The following PDLIM1 variants were observed in gnomAD, a reference collection of about 807,000 sequenced individuals.
PDLIM1 encodes the protein PDZ and LIM domain 1.
PDLIM1 carries 25 observed loss-of-function variants against 35.2 expected under a neutral mutation model. The observed-to-expected ratio is 0.71, with a 90% CI of 0.52 to 0.99. PDLIM1 has a LOEUF of 0.99. PDLIM1 is among the 50% of genes least tolerant of loss of function. The probability of loss-of-function intolerance (pLI) is 0.00; values close to 1 mark genes in which losing one functional copy is unlikely to be tolerated. For missense variants in PDLIM1, 363 were observed against 415.3 expected (o/e 0.87, Z 1.09); for synonymous variants, 152 against 154.0 (o/e 0.99, Z 0.10).
intron 1 of PDLIM1, among the ~76,000 whole-genome samples, chr10:95,289,174 G>A (rs1358176215): frequency 2.6e-5 from 4 of 152,342 alleles, no homozygotes; most frequent in African/African-American, 9.6e-5. Context: ...AGTGGAGAGG[G>A]CTGACAGGTT....
intron 1 of PDLIM1, among the ~76,000 whole-genome samples, chr10:95,282,459 G>A (rs941734487): frequency 6.6e-6 from 1 of 152,176 alleles, no homozygotes; most frequent in Non-Finnish European, 1.5e-5. Flanking sequence ...TAGGGTAGAT[G>A]CTTGTAGATA....
At chr10:95,278,288 A>G (rs946275984) in intron 1 of PDLIM1, among the ~76,000 whole-genome samples, 2 of 152,256 alleles carry the variant, frequency 1.3e-5, no homozygotes, top group African/African-American at 4.8e-5. Context: ...CTTTGACATC[A>G]GAAGGCTGTT....
At chr10:95,259,440 C>T (rs2035343069) in intron 4 of PDLIM1, among the ~76,000 whole-genome samples, 1 of 152,100 alleles carries the variant, frequency 6.6e-6, no homozygotes, top group African/African-American at 2.4e-5. Context: ...CTGATTACCC[C>T]AATGTTCACC....
At position 95,269,986 on chromosome 10, in the gene PDLIM1, C is replaced by A. The variant is rs560432626; in HGVS notation, c.249-1124G>T. Among the ~76,000 whole-genome samples, 4 of 152,256 alleles carry A rather than the reference C, an allele frequency of 2.6e-5. No homozygotes were observed. The South Asian group carries it at 8.3e-4, about 32-fold the overall frequency. On this transcript the variant is annotated intron_variant, in intron 2 of 6. Coordinates refer to ENST00000329399, the MANE Select transcript of PDLIM1 (RefSeq NM_020992.4). ...TCCTAACCTCAGGTGATCTACCCACCTCGGCCTCCCAAAGTGCTGGGATTA... is the reference window on the plus strand; with the variant it reads ...TCCTAACCTCAGGTGATCTACCCACATCGGCCTCCCAAAGTGCTGGGATTA...
intron 1 of PDLIM1, among the ~76,000 whole-genome samples, chr10:95,272,667 A>T (rs1243862295): frequency 2.0e-5 from 3 of 151,898 alleles, no homozygotes; most frequent in Non-Finnish European, 2.9e-5. Flanking sequence ...TCGTCTCAAA[A>T]AATAATAATA....
chr10:95,257,226 TA>T (rs1474124694), intron 4 of PDLIM1, among the ~76,000 whole-genome samples: 2 of 151,252 alleles, frequency 1.3e-5, no homozygotes, highest in Non-Finnish European at 2.9e-5. Flanking sequence ...TATTAAAAAA[TA>T]AAAATAAAAA....
At chr10:95,256,245 T>G (rs1036568917) in intron 4 of PDLIM1, among the ~76,000 whole-genome samples, 48 of 152,108 alleles carry the variant, frequency 3.2e-4, no homozygotes, top group African/African-American at 1.2e-3. Flanking sequence ...CTGGAAGACC[T>G]AAGACTGTTA....
At chr10:95,264,126 G>T in intron 3 of PDLIM1, 63 bp from the exon 4 acceptor site, 4 of 1,428,732 alleles carry the variant, frequency 2.8e-6, no homozygotes, top group Admixed American at 3.5e-5. Flanking sequence ...TTGATGGGCA[G>T]TGCAGGCTGA....
At chr10:95,283,607 T>C (rs1057075099) in intron 1 of PDLIM1, among the ~76,000 whole-genome samples, 11 of 152,228 alleles carry the variant, frequency 7.2e-5, no homozygotes, top group African/African-American at 2.7e-4. Flanking sequence ...GTTCACTGTG[T>C]TTACCTCTGT....
At chr10:95,278,002 C>T (rs1363532044) in intron 1 of PDLIM1, among the ~76,000 whole-genome samples, 1 of 152,316 alleles carries the variant, frequency 6.6e-6, no homozygotes, top group South Asian at 2.1e-4. Context: ...GAACTGGATG[C>T]ATACCCATGA....
chr10:95,248,499 C>T (rs986560435), intron 4 of PDLIM1, among the ~76,000 whole-genome samples: 1 of 152,202 alleles, frequency 6.6e-6, no homozygotes, highest in Non-Finnish European at 1.5e-5. Context: ...CCTCCAGCCT[C>T]GGACTCCCAA....
intron 3 of PDLIM1, among the ~76,000 whole-genome samples, chr10:95,264,699 G>A (rs1385198456): frequency 6.6e-6 from 1 of 152,138 alleles, no homozygotes; most frequent in East Asian, 1.9e-4. Context: ...TTACAGGGGC[G>A]GTACCCAGCA....
At position 95,268,781 on chromosome 10, in the gene PDLIM1, G is replaced by A. The variant is rs887618930; in HGVS notation, c.330C>T (p.Pro110=). ...GCAACGATGAGCAAGAACTTACCTG[G>A]GGTTCAGAGGCTAAATTCATCTTGT... The part of the protein sequence containing the change: ...HPYKMNLASE[P]QEVLHIGSAH... The change falls in exon 3 of 7, where the codon CCC becomes CCT. Residue 110 remains proline (P), a synonymous_variant. Transcript: ENST00000329399. 1.2e-6 allele frequency: 2 copies of A among 1,605,794 alleles called. No individual in the cohort carries two copies. The highest frequency in any genetic ancestry group is 1.7e-5 in the Admixed American group (1 of 60,008).
At chr10:95,280,999 C>G (rs2035556457) in intron 1 of PDLIM1, among the ~76,000 whole-genome samples, 1 of 152,162 alleles carries the variant, frequency 6.6e-6, no homozygotes, top group South Asian at 2.1e-4. Context: ...CAGTGAAACC[C>G]AAGAACCCAT....
chr10:95,290,686 G>A lies in PDLIM1; in HGVS notation c.96+134C>T. On this transcript the variant is annotated intron_variant, in intron 1 of 6. Transcript: ENST00000329399. The surrounding 1 kb of genome is among the most constrained non-coding windows in gnomAD (Gnocchi z 4.7). ...GGCGGGGCCCGGGCGCGCGGAGAGC[G>A]CTCAACTAACAGCGCACCTGGACGC... The A allele has an allele frequency of 2.2e-6, 1 of 449,448 alleles. No individual in the cohort carries two copies. The highest frequency in any genetic ancestry group is 3.8e-6 in the Non-Finnish European group (1 of 263,144). 27.8% of individuals were successfully genotyped at this position (449,448 alleles called of 1,614,324 possible).
At chr10:95,272,484 C>G (rs935575184) in intron 1 of PDLIM1, among the ~76,000 whole-genome samples, 1 of 152,064 alleles carries the variant, frequency 6.6e-6, no homozygotes, top group Non-Finnish European at 1.5e-5. Context: ...TTGAGACCAG[C>G]CTGGCCAGCA....
chr10:95,290,930 G>A lies in PDLIM1; in HGVS notation c.-15C>T, dbSNP rs1300203172. 3 of 1,521,050 alleles carry A rather than the reference G, an allele frequency of 2.0e-6. No homozygotes were observed. Among genetic ancestry groups the A allele is most frequent in the African/African-American group, 2.9e-5 (2 of 69,906 alleles). 94.2% of individuals were successfully genotyped at this position (1,521,050 alleles called of 1,614,324 possible). On this transcript the variant is annotated 5_prime_UTR_variant, in exon 1 of 7. Coordinates refer to ENST00000329399, the MANE Select transcript of PDLIM1 (RefSeq NM_020992.4). This position sits in a 1 kb window ranked among gnomAD's most constrained non-coding sequence, Gnocchi z 4.7. Reference sequence around the variant, plus strand: ...TGGGTGGTCATGGCGCGGCTGTGGCGGGCGACGACCCGCGGGGACAGACGG... The same window carrying A: ...TGGGTGGTCATGGCGCGGCTGTGGCAGGCGACGACCCGCGGGGACAGACGG...
intron 1 of PDLIM1, among the ~76,000 whole-genome samples, chr10:95,285,498 C>T (rs2035595164): frequency 6.6e-6 from 1 of 152,168 alleles, no homozygotes; most frequent in Non-Finnish European, 1.5e-5. Flanking sequence ...AGTGAGTCTG[C>T]CTGGCTTCAC....
At chr10:95,268,731 A>G (rs780430185) in intron 3 of PDLIM1, 47 bp downstream of exon 3, 2 of 1,252,902 alleles carry the variant, frequency 1.6e-6, no homozygotes, top group East Asian at 2.3e-5. Flanking sequence ...CAGAAACGGC[A>G]AAGTGCTGGG....
Sources: allele counts gnomAD v4.1 joint callset (sites outside exome capture counted in the v4.1 genomes callset), GRCh38; gene constraint gnomAD v4.1.1; non-coding constraint Gnocchi (gnomAD v3.1); transcripts MANE v1.5; gene names NCBI Gene and HGNC (gene_info 2026-07-23, HGNC 2026-07-21).